Variants in EMSY observed in about 807,000 individuals in gnomAD.
EMSY encodes EMSY transcriptional repressor, BRCA2 interacting.
Under a neutral mutation model 134.6 loss-of-function variants are expected in EMSY, and 26 were observed. The ratio of observed to expected loss-of-function variants is 0.19; its 90% CI spans 0.14 to 0.27. The LOEUF is 0.27. Ranked by LOEUF, EMSY falls within the 10% of genes least tolerant of loss-of-function variation. The pLI is 1.00. For missense variants in EMSY, 1,305 were observed against 1,611.4 expected (o/e 0.81, Z 3.26); for synonymous variants, 579 against 577.8 (o/e 1.00, Z -0.03).
At chr11:76,466,222 T>C (rs1590811647) in intron 7 of EMSY, among the ~76,000 whole-genome samples, 1 of 152,232 alleles carries the variant, frequency 6.6e-6, no homozygotes, top group Non-Finnish European at 1.5e-5. Context: ...TAAATCGTTC[T>C]TAAACAGATT....
At chr11:76,524,078 A>G (rs1401022502) in intron 12 of EMSY, among the ~76,000 whole-genome samples, 3 of 152,078 alleles carry the variant, frequency 2.0e-5, no homozygotes, top group African/African-American at 7.3e-5. Context: ...TAAATAACAG[A>G]TTCATTTATA....
intron 4 of EMSY, among the ~76,000 whole-genome samples, chr11:76,454,242 C>T (rs1415088691): frequency 6.6e-6 from 1 of 152,090 alleles, no homozygotes; most frequent in Non-Finnish European, 1.5e-5. Flanking sequence ...TTTGAATTGA[C>T]CCCAAAGAGC....
At chr11:76,446,954 C>T in exon 2 of EMSY, 1 of 1,613,182 alleles carries the variant, frequency 6.2e-7, no homozygotes, top group Non-Finnish European at 8.5e-7. Flanking sequence ...TGTTGTGTGG[C>T]CAACCCTTCT....
intron 14 of EMSY, 103 bp downstream of exon 15, chr11:76,528,569 T>A: frequency 1.6e-6 from 1 of 635,700 alleles, no homozygotes; most frequent in Non-Finnish European, 2.5e-6. Context: ...ATTTGTATGC[T>A]CTATCAATTC....
chr11:76,491,564 GGGCCAGGT>G (rs1182786673), intron 8 of EMSY, among the ~76,000 whole-genome samples: 1 of 152,218 alleles, frequency 6.6e-6, no homozygotes, highest in African/African-American at 2.4e-5. Flanking sequence ...AGCCATGCCA[GGGCCAGGT>G]GGCCCTCCTA....
intron 4 of EMSY, 138 bp downstream of exon 5, chr11:76,454,928 C>T (rs537114651): frequency 9.6e-6 from 6 of 628,054 alleles, no homozygotes; most frequent in South Asian, 7.0e-5. Flanking sequence ...CCCTCCTCCC[C>T]CTCCTAATAC....
intron 6 of EMSY, among the ~76,000 whole-genome samples, chr11:76,463,550 G>T (rs1165118909): frequency 6.6e-6 from 1 of 150,838 alleles, no homozygotes; most frequent in Non-Finnish European, 1.5e-5. Context: ...GTGAACCCGG[G>T]AAGCGGAGCT....
At chr11:76,515,419 CCT>C (rs1950417168) in intron 10 of EMSY, among the ~76,000 whole-genome samples, 1 of 151,474 alleles carries the variant, frequency 6.6e-6, no homozygotes, top group East Asian at 1.9e-4. Flanking sequence ...GCTTTTAATT[CCT>C]GTTTGGAGAA....
chr11:76,519,580 A>G (rs1950574224), intron 11 of EMSY, among the ~76,000 whole-genome samples: 1 of 152,176 alleles, frequency 6.6e-6, no homozygotes, highest in Non-Finnish European at 1.5e-5. Flanking sequence ...TGTCCAGGAA[A>G]GGAGCTATTG....
At chr11:76,501,684 C>T (rs1283409961) in intron 9 of EMSY, among the ~76,000 whole-genome samples, 1 of 151,920 alleles carries the variant, frequency 6.6e-6, no homozygotes, top group Non-Finnish European at 1.5e-5. Flanking sequence ...GTTAACAGAG[C>T]TTCAGAGAAA....
chr11:76,455,853 G>A (rs1947850520), intron 4 of EMSY, among the ~76,000 whole-genome samples: 1 of 152,136 alleles, frequency 6.6e-6, no homozygotes, highest in African/African-American at 2.4e-5. Context: ...TCTTGCCCAT[G>A]TTGTCTCTAG....
At chr11:76,527,200 G>A (rs900169905) in intron 13 of EMSY, among the ~76,000 whole-genome samples, 10 of 151,984 alleles carry the variant, frequency 6.6e-5, no homozygotes, top group Admixed American at 2.6e-4. Flanking sequence ...TGAGAATATC[G>A]AGGGAAGCAC....
chr11:76,451,996 C>G (rs777706973), intron 3 of EMSY, 39 bp downstream of exon 3: 1 of 1,309,594 alleles, frequency 7.6e-7, no homozygotes, highest in South Asian at 1.5e-5. Context: ...CTAGAAATTT[C>G]ATTTTGGGGG....
intron 11 of EMSY, 29 bp downstream of exon 12, chr11:76,516,341 A>AT (rs1223968377): frequency 6.7e-7 from 1 of 1,494,628 alleles, no homozygotes; most frequent in South Asian, 1.3e-5. Flanking sequence ...TGTTAAAGGT[A>AT]TAGGTGGCCT....
At chr11:76,454,696 T>C (rs1947801488) in intron 4 of EMSY, 53 bp from the exon 5 acceptor site, 2 of 1,227,390 alleles carry the variant, frequency 1.6e-6, no homozygotes, top group African/African-American at 1.5e-5. Flanking sequence ...ATCAGTTTCA[T>C]ACTTAAAGGA....
rs187735484 is a variant in EMSY at position 76,550,890 on chromosome 11, A to C, written c.*744A>C. On this transcript the variant is annotated 3_prime_UTR_variant, in exon 21 of 21. Coordinates refer to ENST00000334736, the Ensembl canonical transcript of EMSY. ...TAAACCAGGATTGCCTACGCTTTCCACTGTCGTCGTCTCCCCACTTTCCCT... is the reference window on the plus strand; with the variant it reads ...TAAACCAGGATTGCCTACGCTTTCCCCTGTCGTCGTCTCCCCACTTTCCCT... The C allele has an allele frequency of 5.3e-3, 806 of 152,594 alleles. 23 individuals are homozygous for C. Among genetic ancestry groups the C allele is most frequent in the Non-Finnish European group, 1.6e-3 (109 of 68,022 alleles). The allele number at this position is 152,594 out of a possible 1,614,324, so 9.5% of individuals were successfully genotyped here. A position where few individuals can be genotyped will look rare whatever the true frequency, so the allele number is the denominator to read the frequency against.
At chr11:76,446,935 A>G in exon 2 of EMSY, 2 of 1,612,970 alleles carry the variant, frequency 1.2e-6, no homozygotes, top group Non-Finnish European at 8.5e-7. Context: ...AAACAGAAGC[A>G]GCAATGCCTG....
At chr11:76,477,516 A>T (rs149018947) in intron 8 of EMSY, among the ~76,000 whole-genome samples, 1 of 152,060 alleles carries the variant, frequency 6.6e-6, no homozygotes, top group African/African-American at 2.4e-5. Context: ...TGTATTTATT[A>T]TATTTTACTT....
chr11:76,552,550 T>C (rs1367142164), downstream of EMSY: 1 of 152,210 alleles, frequency 6.6e-6, no homozygotes, highest in Non-Finnish European at 1.5e-5. Context: ...TAGGCAGTGA[T>C]AAGAAAAATC....
Sources: gnomAD v4.1 joint callset for allele counts (sites outside exome capture counted in the v4.1 genomes callset) on GRCh38, gnomAD v4.1.1 for gene constraint, MANE v1.5 for transcripts, NCBI Gene and HGNC (gene_info 2026-07-23, HGNC 2026-07-21) for gene names.